NCOR2: variants seen among roughly 807,000 people sequenced by gnomAD.
The protein encoded by NCOR2 is nuclear receptor corepressor 2.
NCOR2 carries 81 observed loss-of-function variants against 262.9 expected under a neutral mutation model. The ratio of observed to expected loss-of-function variants is 0.31; its 90% CI spans 0.26 to 0.37. The LOEUF (loss-of-function observed/expected upper bound fraction) is 0.37. NCOR2 is among the 10% of genes least tolerant of loss of function. The pLI, the probability that NCOR2 is intolerant of heterozygous loss-of-function variation, is 1.00. For missense variants in NCOR2, 3,385 were observed against 3,621.4 expected, an observed-to-expected ratio of 0.93 and a Z score of 1.68; for synonymous variants, 1,659 against 1,559.3, an observed-to-expected ratio of 1.06 and a Z score of -1.51.
intron 1 of NCOR2, among the ~76,000 whole-genome samples, chr12:124,544,941 G>A (rs926428578): frequency 1.3e-5 from 2 of 152,160 alleles, no homozygotes; most frequent in African/African-American, 2.4e-5. Context: ...GCTGGCTCCC[G>A]CTCCAGCCCT....
At chr12:124,442,898 T>G (rs2044904743) in intron 7 of NCOR2, among the ~76,000 whole-genome samples, 2 of 151,906 alleles carry the variant, frequency 1.3e-5, no homozygotes, top group South Asian at 4.1e-4. Flanking sequence ...GGAGGGGAGA[T>G]GACGCGAACA....
chr12:124,520,612 G>T (rs771636665), intron 1 of NCOR2, among the ~76,000 whole-genome samples: 5 of 151,938 alleles, frequency 3.3e-5, no homozygotes, highest in Non-Finnish European at 7.4e-5. Context: ...GCAGCAAATT[G>T]TTTGTTGAGT....
At chr12:124,436,064 C>A (rs1402548022) in intron 8 of NCOR2, among the ~76,000 whole-genome samples, 4 of 152,248 alleles carry the variant, frequency 2.6e-5, no homozygotes, top group Non-Finnish European at 4.4e-5. Flanking sequence ...GTCCCTGCAG[C>A]CTGCAGGTCT....
At chr12:124,330,044 C>CA (rs1349187516) in intron 44 of NCOR2, among the ~76,000 whole-genome samples, 3 of 152,242 alleles carry the variant, frequency 2.0e-5, no homozygotes, top group African/African-American at 7.2e-5. Flanking sequence ...ATCCTTCGCT[C>CA]ACCATTCCCA....
intron 1 of NCOR2, among the ~76,000 whole-genome samples, chr12:124,529,406 G>A (rs111524859): frequency 0.043 from 6,615 of 152,118 alleles, 307 homozygotes; most frequent in African/African-American, 0.12. Flanking sequence ...CCCGGGAGGC[G>A]GAGGTTGCAG....
intron 44 of NCOR2, among the ~76,000 whole-genome samples, chr12:124,329,745 AAGAT>A (rs1392310512): frequency 2.6e-5 from 4 of 152,344 alleles, no homozygotes; most frequent in Non-Finnish European, 5.9e-5. Flanking sequence ...GTGTCTTAAA[AAGAT>A]AAATACAAAA....
intron 8 of NCOR2, among the ~76,000 whole-genome samples, chr12:124,435,211 C>G (rs1008916587): frequency 6.6e-6 from 1 of 152,206 alleles, no homozygotes; most frequent in Non-Finnish European, 1.5e-5. Context: ...CAGCCCATCT[C>G]GAGAGTCTAG....
chr12:124,544,513 G>A (rs1415701760), intron 1 of NCOR2, among the ~76,000 whole-genome samples: 1 of 152,192 alleles, frequency 6.6e-6, no homozygotes, highest in African/African-American at 2.4e-5. Flanking sequence ...GATTTGTCAC[G>A]AGGGCCTGGG....
chr12:124,526,276 C>T (rs1467841351), intron 1 of NCOR2, among the ~76,000 whole-genome samples: 2 of 152,174 alleles, frequency 1.3e-5, no homozygotes, highest in African/African-American at 4.8e-5. Context: ...AGCCCCAAAC[C>T]CCGCAAGCCT....
Position 124,457,144 on chromosome 12 carries a change from G to T in NCOR2, c.724C>A (p.His242Asn). The change falls in exon 6 of 47, where the codon CAT becomes AAT. Residue 242 changes from histidine (H) to asparagine (N), a missense_variant. His to Asn is a moderately conservative substitution (Grantham distance 68). Transcript: ENST00000405201. The surrounding 1 kb of genome is among the most constrained non-coding windows in gnomAD (Gnocchi z 4.0). ...GGCCCCAGGCCTTCCAGAATCCGAT[G>T]TGCAGCTTCAGCCTTCTTCTGCAGG... 6.6e-7 allele frequency: 1 copy of T among 1,523,956 alleles called. No homozygotes were observed. Among genetic ancestry groups the T allele is most frequent in the Non-Finnish European group, 8.7e-7 (1 of 1,145,912 alleles). The allele number at this position is 1,523,956 out of a possible 1,614,324, so 94.4% of individuals were successfully genotyped here. A position where few individuals can be genotyped will look rare whatever the true frequency, so the allele number is the denominator to read the frequency against.
At chr12:124,524,959 C>T (rs899195207) in intron 1 of NCOR2, among the ~76,000 whole-genome samples, 10 of 152,230 alleles carry the variant, frequency 6.6e-5, no homozygotes, top group African/African-American at 2.4e-4. Context: ...CGGAACATGC[C>T]ACGTGCCCAA....
rs923291881 is a variant in NCOR2 at position 124,503,956 on chromosome 12, C to T, written c.-117-8588G>A. Among the ~76,000 whole-genome samples, 2 of 152,172 alleles carry T rather than the reference C, an allele frequency of 1.3e-5. No individual in the cohort carries two copies. Among genetic ancestry groups the T allele is most frequent in the African/African-American group, 4.8e-5 (2 of 41,418 alleles). ...CATGAGGGACACAGAAAGGCACTGT[C>T]GCCTTCAGGAACCCCCAAACCCATA... On this transcript the variant is annotated intron_variant, in intron 1 of 46. Coordinates refer to the NCOR2 transcript ENST00000404621. The surrounding 1 kb of genome is among the most constrained non-coding windows in gnomAD (Gnocchi z 4.3).
chr12:124,424,385 C>T (rs1005504951), intron 11 of NCOR2, among the ~76,000 whole-genome samples: 4 of 152,044 alleles, frequency 2.6e-5, no homozygotes, highest in African/African-American at 9.7e-5. Flanking sequence ...GTAGAAAGAT[C>T]GTGCCTGCTA....
intron 44 of NCOR2, 59 bp downstream of exon 46, chr12:124,330,786 G>A: frequency 6.6e-7 from 1 of 1,524,166 alleles, no homozygotes; most frequent in South Asian, 1.2e-5. Flanking sequence ...GCTGGAGCAG[G>A]GGTGGGGAGG....
Position 124,531,937 on chromosome 12 carries a change from AC to A in NCOR2, c.-118+3627del, listed in dbSNP as rs1485293559. Among the ~76,000 whole-genome samples, 1 of 151,586 alleles carries A rather than the reference AC, an allele frequency of 6.6e-6. No individual in the cohort carries two copies. Among genetic ancestry groups the A allele is most frequent in the Non-Finnish European group, 1.5e-5 (1 of 67,894 alleles). ...CTCACAGAGTTTCGAGTCACGGGCA[AC>A]CCACTTTTGGGGCCAGGGGCTCCCA... On this transcript the variant is annotated intron_variant, in intron 1 of 46. Transcript: ENST00000404621. The surrounding 1 kb of genome is among the most constrained non-coding windows in gnomAD (Gnocchi z 4.5).
rs999209630 is a variant in NCOR2 at position 124,481,802 on chromosome 12, C to T, written c.411+1794G>A. Among the ~76,000 whole-genome samples, 58 of 152,214 alleles carry T rather than the reference C, an allele frequency of 3.8e-4. No homozygotes were observed. The highest frequency in any genetic ancestry group is 1.4e-3 in the African/African-American group (57 of 41,528). On this transcript the variant is annotated intron_variant, in intron 3 of 46. Coordinates refer to ENST00000405201, the Ensembl canonical transcript of NCOR2. The surrounding 1 kb of genome is among the most constrained non-coding windows in gnomAD (Gnocchi z 4.6). ...ACAGGGGGGAACACACAGGGGGATGCAGTCGTCTGCCTTTATAAGAGCCCT... is the reference window on the plus strand; with the variant it reads ...ACAGGGGGGAACACACAGGGGGATGTAGTCGTCTGCCTTTATAAGAGCCCT...
At chr12:124,346,457 A>T in intron 31 of NCOR2, 107 bp downstream of exon 33, 7 of 1,230,860 alleles carry the variant, frequency 5.7e-6, no homozygotes, top group Non-Finnish European at 5.4e-6. Context: ...AAGGTACGCG[A>T]GGGCTCTCAG....
intron 19 of NCOR2, among the ~76,000 whole-genome samples, chr12:124,373,605 C>T (rs528960886): frequency 1.5e-5 from 2 of 130,648 alleles, no homozygotes; most frequent in South Asian, 4.9e-4. Flanking sequence ...GCAGGGGCCC[C>T]GGGCACAGTG....
intron 1 of NCOR2, among the ~76,000 whole-genome samples, chr12:124,521,787 C>T (rs1345031243): frequency 6.6e-6 from 1 of 152,060 alleles, no homozygotes; most frequent in Admixed American, 6.6e-5. Context: ...ATAGGCCGGG[C>T]GCAGTGGATC....
Sources: allele counts gnomAD v4.1 joint callset (sites outside exome capture counted in the v4.1 genomes callset), GRCh38; gene constraint gnomAD v4.1.1; non-coding constraint Gnocchi (gnomAD v3.1); transcripts MANE v1.5; gene names NCBI Gene and HGNC (gene_info 2026-07-23, HGNC 2026-07-21).